Variants in DAB1 observed in about 807,000 individuals in gnomAD.
DAB1 encodes DAB adaptor protein 1.
DAB1 carries 15 observed loss-of-function variants against 64.6 expected under a neutral mutation model. The ratio of observed to expected loss-of-function variants is 0.23; its 90% CI spans 0.16 to 0.36. The LOEUF (loss-of-function observed/expected upper bound fraction) is 0.36. DAB1 is among the 10% of genes least tolerant of loss of function. The pLI is 1.00. For synonymous variants in DAB1, 235 were observed against 251.9 expected, an observed-to-expected ratio of 0.93 and a Z score of 0.64; for missense variants, 596 against 706.7, an observed-to-expected ratio of 0.84 and a Z score of 1.78.
chr1:57,238,134 G>T (rs1668228960), intron 2 of DAB1, among the ~76,000 whole-genome samples: 1 of 152,168 alleles, frequency 6.6e-6, no homozygotes, highest in South Asian at 2.1e-4. Flanking sequence ...CCAAGGCTGT[G>T]GCTTCGAGCA....
At chr1:57,811,448 G>C (rs1398831958) in intron 6 of DAB1, among the ~76,000 whole-genome samples, 2 of 152,118 alleles carry the variant, frequency 1.3e-5, no homozygotes, top group Non-Finnish European at 2.9e-5. Flanking sequence ...CTTCCCCTTT[G>C]CCTTCTGCCA....
At chr1:58,266,297 G>T (rs1661161941) in intron 4 of DAB1, among the ~76,000 whole-genome samples, 1 of 152,110 alleles carries the variant, frequency 6.6e-6, no homozygotes, top group Non-Finnish European at 1.5e-5. Flanking sequence ...CCTTTTCAGT[G>T]GGGGAAGAGG....
chr1:58,116,795 G>T (rs989515910), intron 5 of DAB1, among the ~76,000 whole-genome samples: 1 of 152,272 alleles, frequency 6.6e-6, no homozygotes, highest in Non-Finnish European at 1.5e-5. Flanking sequence ...GGTAACAGCT[G>T]CAAGCAAGCA....
intron 6 of DAB1, among the ~76,000 whole-genome samples, chr1:57,793,451 C>T (rs1044040147): frequency 3.9e-5 from 6 of 152,148 alleles, no homozygotes; most frequent in African/African-American, 1.2e-4. Flanking sequence ...GAAGAAGAGA[C>T]AGTGGCCCTT....
At chr1:57,481,483 C>G (rs1466008545) in intron 7 of DAB1, among the ~76,000 whole-genome samples, 1 of 152,320 alleles carries the variant, frequency 6.6e-6, no homozygotes, top group East Asian at 1.9e-4. Flanking sequence ...GGGAGCTATA[C>G]AGCTCTGAGT....
chr1:57,607,633 A>G (rs2101596725), intron 7 of DAB1, among the ~76,000 whole-genome samples: 1 of 152,272 alleles, frequency 6.6e-6, no homozygotes, highest in Admixed American at 6.5e-5. Context: ...TGGGTTAAAC[A>G]CCGCCCAGTT....
At chr1:58,200,629 A>G (rs559006967) in intron 4 of DAB1, among the ~76,000 whole-genome samples, 3 of 152,240 alleles carry the variant, frequency 2.0e-5, no homozygotes, top group Non-Finnish European at 4.4e-5. Context: ...AAGTAAGGTA[A>G]AATGCTGACT....
At chr1:58,220,503 G>A (rs761631953) in intron 4 of DAB1, among the ~76,000 whole-genome samples, 1 of 152,176 alleles carries the variant, frequency 6.6e-6, no homozygotes, top group Non-Finnish European at 1.5e-5. Context: ...GGGGAAGGTG[G>A]AAGGTAGAAG....
chr1:57,341,787 A>T (rs934368050), intron 1 of DAB1, among the ~76,000 whole-genome samples: 10 of 152,226 alleles, frequency 6.6e-5, no homozygotes, highest in African/African-American at 2.4e-4. Flanking sequence ...ACTAAAAAGA[A>T]GTGTTCTCCA....
chr1:58,245,522 G>A (rs1375587816), intron 4 of DAB1, among the ~76,000 whole-genome samples: 2 of 152,296 alleles, frequency 1.3e-5, no homozygotes, highest in African/African-American at 4.8e-5. Context: ...ATATGAAGCC[G>A]AGTTAGATGC....
At chr1:57,908,249 T>G (rs373448791) in intron 5 of DAB1, among the ~76,000 whole-genome samples, 39 of 152,258 alleles carry the variant, frequency 2.6e-4, no homozygotes, top group African/African-American at 7.9e-4. Flanking sequence ...CTGATGACTC[T>G]GGGAGACCTC....
chr1:57,400,228 C>A (rs772166329), intron 1 of DAB1, among the ~76,000 whole-genome samples: 1 of 152,082 alleles, frequency 6.6e-6, no homozygotes, highest in African/African-American at 2.4e-5. Flanking sequence ...AAACATACAG[C>A]GCATTCATAT....
At chr1:57,196,031 T>G (rs1664594566) in intron 2 of DAB1, among the ~76,000 whole-genome samples, 1 of 149,754 alleles carries the variant, frequency 6.7e-6, no homozygotes, top group African/African-American at 2.5e-5. Flanking sequence ...GAGGATGGGG[T>G]GGTGATGGGG....
At chr1:57,681,502 A>C (rs1423207014) in intron 6 of DAB1, among the ~76,000 whole-genome samples, 1 of 152,184 alleles carries the variant, frequency 6.6e-6, no homozygotes, top group Non-Finnish European at 1.5e-5. Flanking sequence ...GATATTAGGA[A>C]AAGTGAATGG....
intron 3 of DAB1, among the ~76,000 whole-genome samples, chr1:58,466,936 G>T (rs1365013520): frequency 1.3e-5 from 2 of 152,192 alleles, no homozygotes; most frequent in Non-Finnish European, 2.9e-5. Flanking sequence ...TGGAATGCAG[G>T]TGTTGTTGAA....
At chr1:57,786,250 A>T (rs1052948299) in intron 6 of DAB1, among the ~76,000 whole-genome samples, 2 of 151,956 alleles carry the variant, frequency 1.3e-5, no homozygotes, top group Non-Finnish European at 2.9e-5. Context: ...AAAATTCATG[A>T]CTCTCTTTAC....
At chr1:58,003,980 G>A (rs1016252138) in intron 5 of DAB1, among the ~76,000 whole-genome samples, 5 of 152,296 alleles carry the variant, frequency 3.3e-5, no homozygotes, top group South Asian at 4.1e-4. Context: ...ATTAGCATAC[G>A]TTACTTGTTC....
intron 7 of DAB1, among the ~76,000 whole-genome samples, chr1:57,622,373 A>G (rs1645870407): frequency 2.0e-5 from 3 of 152,192 alleles, no homozygotes; most frequent in African/African-American, 7.2e-5. Flanking sequence ...CTGGACATAG[A>G]TATGGGTTTG....
At chr1:58,018,698 G>C (rs1184526064) in intron 5 of DAB1, among the ~76,000 whole-genome samples, 1 of 152,124 alleles carries the variant, frequency 6.6e-6, no homozygotes, top group Non-Finnish European at 1.5e-5. Flanking sequence ...TTCTGGAATC[G>C]AAAGGTGTTA....
Sources: allele counts gnomAD v4.1 joint callset (sites outside exome capture counted in the v4.1 genomes callset), GRCh38; gene constraint gnomAD v4.1.1; transcripts MANE v1.5; gene names NCBI Gene and HGNC (gene_info 2026-07-23, HGNC 2026-07-21).